ZBTB20: variants seen among roughly 807,000 people sequenced by gnomAD.
ZBTB20 encodes the protein zinc finger and BTB domain-containing protein 20.
Under a neutral mutation model 56.9 loss-of-function variants are expected in ZBTB20, and 9 were observed. The observed-to-expected ratio is 0.16, with a 90% confidence interval of 0.10 to 0.28. ZBTB20 has a LOEUF of 0.28. ZBTB20 is among the 10% of genes least tolerant of loss of function. The pLI is 1.00. For synonymous variants in ZBTB20, 417 were observed against 420.7 expected (o/e 0.99, Z 0.11); for missense variants, 655 against 1,003.0 (o/e 0.65, Z 4.69).
At chr3:114,489,844 A>C (rs2042537928) in intron 7 of ZBTB20, among the ~76,000 whole-genome samples, 1 of 152,238 alleles carries the variant, frequency 6.6e-6, no homozygotes, top group African/African-American at 2.4e-5. Flanking sequence ...AATATCACAG[A>C]ATGGAATGTG....
At chr3:114,999,719 A>G (rs557657307) in intron 2 of ZBTB20, among the ~76,000 whole-genome samples, 4 of 151,706 alleles carry the variant, frequency 2.6e-5, no homozygotes, top group Non-Finnish European at 4.4e-5. Context: ...AAAGAGTTTC[A>G]AGCTACATTT....
chr3:114,907,517 G>A (rs755940923), intron 3 of ZBTB20, among the ~76,000 whole-genome samples: 1 of 151,770 alleles, frequency 6.6e-6, no homozygotes, highest in African/African-American at 2.4e-5. Flanking sequence ...ATACTTCTCA[G>A]GGAATATCTA....
chr3:114,342,283 T>A (rs1430957306), intron 11 of ZBTB20, among the ~76,000 whole-genome samples: 1 of 152,206 alleles, frequency 6.6e-6, no homozygotes, highest in East Asian at 1.9e-4. Context: ...ATGCATAAAA[T>A]GGATGAGGTC....
chr3:114,446,035 T>A (rs1048814215), intron 7 of ZBTB20, among the ~76,000 whole-genome samples: 2 of 152,130 alleles, frequency 1.3e-5, no homozygotes, highest in Non-Finnish European at 1.5e-5. Context: ...CCTTAACGTT[T>A]GTTCTTTTTA....
intron 2 of ZBTB20, among the ~76,000 whole-genome samples, chr3:114,997,861 G>A (rs981184456): frequency 2.0e-5 from 3 of 151,526 alleles, no homozygotes; most frequent in Non-Finnish European, 2.9e-5. Context: ...AGATGGATGT[G>A]TCTACTTTTT....
At chr3:114,526,243 C>A (rs2109984117) in intron 6 of ZBTB20, among the ~76,000 whole-genome samples, 1 of 152,146 alleles carries the variant, frequency 6.6e-6, no homozygotes, top group South Asian at 2.1e-4. Context: ...AGAATATTTT[C>A]TCAAATAATA....
chr3:114,572,253 T>C (rs2053523206), intron 6 of ZBTB20, among the ~76,000 whole-genome samples: 1 of 152,210 alleles, frequency 6.6e-6, no homozygotes, highest in Non-Finnish European at 1.5e-5. Flanking sequence ...CTAAAGGTGT[T>C]CATAACTTGG....
intron 7 of ZBTB20, among the ~76,000 whole-genome samples, chr3:114,449,014 ACTTTGAG>A (rs542001784): frequency 1.1e-3 from 165 of 152,194 alleles, no homozygotes; most frequent in African/African-American, 3.4e-3. Context: ...AGAAATTCAA[ACTTTGAG>A]CATTATTTTA....
chr3:114,819,615 T>C (rs1194506127), intron 4 of ZBTB20, among the ~76,000 whole-genome samples: 1 of 151,824 alleles, frequency 6.6e-6, no homozygotes, highest in African/African-American at 2.4e-5. Flanking sequence ...CAAAAGTAAG[T>C]AAGATGTTTA....
At chr3:114,799,943 A>C (rs2071596640) in intron 5 of ZBTB20, among the ~76,000 whole-genome samples, 2 of 151,958 alleles carry the variant, frequency 1.3e-5, no homozygotes, top group Non-Finnish European at 1.5e-5. Flanking sequence ...TACAGTCAAT[A>C]AAGAGTGCAA....
intron 5 of ZBTB20, among the ~76,000 whole-genome samples, chr3:114,744,120 A>G (rs1264500560): frequency 6.6e-6 from 1 of 152,176 alleles, no homozygotes. Context: ...ACATGTTTCT[A>G]TCCTCTTAGC....
At chr3:114,539,692 T>C (rs2048888468) in intron 6 of ZBTB20, among the ~76,000 whole-genome samples, 1 of 152,086 alleles carries the variant, frequency 6.6e-6, no homozygotes, top group Admixed American at 6.6e-5. Flanking sequence ...CTATTATCAC[T>C]CGTGTCATAT....
chr3:114,487,960 C>CAA (rs1421492560), intron 7 of ZBTB20, among the ~76,000 whole-genome samples: 2 of 152,184 alleles, frequency 1.3e-5, no homozygotes, highest in Non-Finnish European at 2.9e-5. Context: ...ATGGATCAGG[C>CAA]AATGTTGCCA....
intron 6 of ZBTB20, among the ~76,000 whole-genome samples, chr3:114,585,959 G>C (rs1202172304): frequency 6.6e-6 from 1 of 152,220 alleles, no homozygotes; most frequent in Non-Finnish European, 1.5e-5. Context: ...AGCAGGGCCT[G>C]TTTGTTCCAT....
At chr3:115,133,192 T>C (rs1024772915) in intron 1 of ZBTB20, among the ~76,000 whole-genome samples, 1 of 152,204 alleles carries the variant, frequency 6.6e-6, no homozygotes. Flanking sequence ...AGCATCTGCT[T>C]TCTACTTCTT....
chr3:115,052,491 A>G (rs1007089431), intron 2 of ZBTB20, among the ~76,000 whole-genome samples: 1 of 152,108 alleles, frequency 6.6e-6, no homozygotes, highest in Non-Finnish European at 1.5e-5. Flanking sequence ...CCACAGTACT[A>G]TCTTGTATAC....
chr3:114,325,064 G>A lies in ZBTB20; in HGVS notation c.*13941C>T, dbSNP rs2079018625. 1 of 152,144 alleles carries A rather than the reference G, an allele frequency of 6.6e-6. No individual in the cohort carries two copies. The highest frequency in any genetic ancestry group is 1.9e-4 in the East Asian group (1 of 5,194). 9.4% of individuals were successfully genotyped at this position (152,144 alleles called of 1,614,324 possible). The stretch of plus-strand genomic sequence containing the variant: ...GCTTCTCACCTTTGTTTGCCATGAT[G>A]AAGATTACTAAGACACCCTGCTTTC... On this transcript the variant is annotated 3_prime_UTR_variant, in exon 12 of 12. Transcript: ENST00000675478.
chr3:114,792,283 A>G (rs1054023208), intron 5 of ZBTB20: 3 of 152,198 alleles, frequency 2.0e-5, no homozygotes, highest in Admixed American at 6.5e-5. Flanking sequence ...TTCAAAAGAT[A>G]TATTAATGCA....
intron 3 of ZBTB20, among the ~76,000 whole-genome samples, chr3:114,910,450 G>C (rs1209763693): frequency 6.6e-6 from 1 of 151,722 alleles, no homozygotes; most frequent in Admixed American, 6.6e-5. Flanking sequence ...CTTGTATAAG[G>C]CCCTTGAACA....
Sources: allele counts gnomAD v4.1 joint callset (sites outside exome capture counted in the v4.1 genomes callset), GRCh38; gene constraint gnomAD v4.1.1; transcripts MANE v1.5; gene names NCBI Gene and HGNC (gene_info 2026-07-23, HGNC 2026-07-21).